The following SHTN1 variants were observed in gnomAD, a reference collection of about 807,000 sequenced individuals.
SHTN1 encodes the protein shootin 1, also known as shootin-1.
SHTN1 carries 42 observed loss-of-function variants against 83.1 expected under a neutral mutation model. The ratio of observed to expected loss-of-function variants is 0.51; its 90% CI spans 0.39 to 0.65. The LOEUF (loss-of-function observed/expected upper bound fraction) is 0.65, where lower values mean the gene tolerates loss of function less well. Ranked by LOEUF, SHTN1 falls within the 30% of genes least tolerant of loss-of-function variation. The pLI is 0.00. For missense variants in SHTN1, 622 were observed against 737.8 expected, an observed-to-expected ratio of 0.84 and a Z score of 1.82; for synonymous variants, 224 against 247.7, an observed-to-expected ratio of 0.90 and a Z score of 0.90.
At chr10:116,889,281 T>C (rs1847260254) in intron 16 of SHTN1, among the ~76,000 whole-genome samples, 1 of 152,174 alleles carries the variant, frequency 6.6e-6, no homozygotes, top group African/African-American at 2.4e-5. Flanking sequence ...CTCATAAACC[T>C]AGTATTGTCA....
chr10:116,977,822 A>G (rs1487917895), intron 2 of SHTN1, among the ~76,000 whole-genome samples: 1 of 152,064 alleles, frequency 6.6e-6, no homozygotes, highest in Non-Finnish European at 1.5e-5. Flanking sequence ...CTACAGGTGC[A>G]TGCCACCATG....
At position 116,928,872 on chromosome 10, in the gene SHTN1, TAC is replaced by T. The variant is rs922382548; in HGVS notation, c.1012+975_1012+976del. On this transcript the variant is annotated intron_variant, in intron 10 of 16. Coordinates refer to ENST00000355371, the MANE Select transcript of SHTN1 (RefSeq NM_001127211.3). ...TATTGTTTCCTAGGATAGGGCTGGG[TAC>T]ACACACAGCAGATAATAAGTATTAA... Among the ~76,000 whole-genome samples, 10 of 152,258 alleles carry T rather than the reference TAC, an allele frequency of 6.6e-5. No homozygotes were observed. The Middle Eastern group carries it at 0.01, about 155-fold the overall frequency.
intron 1 of SHTN1, among the ~76,000 whole-genome samples, chr10:117,105,505 CT>C (rs551546151): frequency 2.8e-4 from 43 of 152,290 alleles, no homozygotes; most frequent in Admixed American, 7.8e-4. Flanking sequence ...AGTCACACAG[CT>C]GGCATTTGGC....
At position 116,884,384 on chromosome 10, in the gene SHTN1, T is replaced by C; in HGVS notation, c.*1960A>G. 2.5e-6 allele frequency: 1 copy of C among 405,166 alleles called. No homozygotes were observed. The highest frequency in any genetic ancestry group is 2.7e-5 in the Admixed American group (1 of 37,012). The allele number at this position is 405,166 out of a possible 1,614,324, so 25.1% of individuals were successfully genotyped here. On this transcript the variant is annotated 3_prime_UTR_variant, in exon 17 of 17. Transcript: ENST00000355371. ...TCATGTCAAATTAATTTAAAATGCT[T>C]TGTAATCACAGTGAGAGAAAGTAAG...
chr10:117,073,035 C>T (rs1473260370), intron 1 of SHTN1, among the ~76,000 whole-genome samples: 1 of 152,114 alleles, frequency 6.6e-6, no homozygotes, highest in Non-Finnish European at 1.5e-5. Flanking sequence ...AAGTTCAGGA[C>T]ACATTGGACA....
Position 117,005,159 on chromosome 10 carries a change from A to G in SHTN1, c.-80T>C, listed in dbSNP as rs1356924305. ...AGGAGGAGGGGGAAGAAAAAGCAAG[A>G]TGCCGGTGGCTTGCGGCTCCACTAC... is the stretch of plus-strand genomic sequence containing the variant. On this transcript the variant is annotated 5_prime_UTR_variant, in exon 1 of 17. Coordinates refer to ENST00000355371, the MANE Select transcript of SHTN1 (RefSeq NM_001127211.3). 2 of 1,547,994 alleles carry G rather than the reference A, an allele frequency of 1.3e-6. No homozygotes were observed. The highest frequency in any genetic ancestry group is 1.7e-6 in the Non-Finnish European group (2 of 1,145,874).
chr10:117,042,136 T>C (rs1428291226), intron 2 of SHTN1, among the ~76,000 whole-genome samples: 1 of 152,238 alleles, frequency 6.6e-6, no homozygotes, highest in African/African-American at 2.4e-5. Context: ...ATCTGCCATT[T>C]TTCCTTTGAT....
chr10:117,014,058 A>G (rs1323424705), intron 2 of SHTN1, among the ~76,000 whole-genome samples: 1 of 152,218 alleles, frequency 6.6e-6, no homozygotes, highest in African/African-American at 2.4e-5. Flanking sequence ...GGCTATATAC[A>G]ATATGGTTCA....
Position 116,884,059 on chromosome 10 carries a change from AT to A in SHTN1, c.*2284del, listed in dbSNP as rs1307387283. 6.1e-6 allele frequency: 2 copies of A among 327,062 alleles called. No homozygotes were observed. Among genetic ancestry groups the A allele is most frequent in the Non-Finnish European group, 1.2e-5 (2 of 161,420 alleles). 20.3% of individuals were successfully genotyped at this position (327,062 alleles called of 1,614,324 possible). On this transcript the variant is annotated 3_prime_UTR_variant, in exon 17 of 17. Transcript: ENST00000355371. Reference sequence around the variant, plus strand: ...AATCCTCTATAGCGCACAAGACTTAATTTATCTTTCCCAAACAGAAGGAAGC... The same window carrying A: ...AATCCTCTATAGCGCACAAGACTTAATTATCTTTCCCAAACAGAAGGAAGC...
At chr10:116,957,596 T>C (rs1334508187) in intron 4 of SHTN1, among the ~76,000 whole-genome samples, 5 of 152,080 alleles carry the variant, frequency 3.3e-5, no homozygotes, top group Admixed American at 6.6e-5. Context: ...GAACCTACTA[T>C]TATATTCAAA....
In SHTN1 at chr10:116,881,602, C is replaced by T. The variant is rs1210785328; in HGVS notation, c.*4742G>A. Reference sequence around the variant, plus strand: ...CTTGAGGCTGCTGCGGCTAGGGAGCCGCTGGTGCCCACCTTCCCCACACAA... The same window carrying T: ...CTTGAGGCTGCTGCGGCTAGGGAGCTGCTGGTGCCCACCTTCCCCACACAA... On this transcript the variant is annotated 3_prime_UTR_variant, in exon 17 of 17. Transcript: ENST00000355371. 15 of 1,550,300 alleles carry T rather than the reference C, an allele frequency of 9.7e-6. No individual in the cohort carries two copies. The highest frequency in any genetic ancestry group is 1.7e-4 in the Middle Eastern group (1 of 6,012).
At chr10:117,046,723 C>G (rs1852668745) in intron 2 of SHTN1, among the ~76,000 whole-genome samples, 1 of 152,134 alleles carries the variant, frequency 6.6e-6, no homozygotes. Flanking sequence ...ATCATCCAAC[C>G]TTGAAAATGT....
At chr10:117,086,165 G>A (rs575426323) in intron 1 of SHTN1, among the ~76,000 whole-genome samples, 48 of 152,172 alleles carry the variant, frequency 3.2e-4, no homozygotes, top group African/African-American at 1.0e-3. Flanking sequence ...TGATCTGCCC[G>A]CCTTGGCCTC....
At position 117,005,135 on chromosome 10, in the gene SHTN1, G is replaced by C. The variant is rs1454655441; in HGVS notation, c.-56C>G. The C allele has an allele frequency of 5.8e-6, 9 of 1,557,982 alleles. No individual in the cohort carries two copies. The African/African-American group carries it at 9.5e-5, about 16-fold the overall frequency. Reference sequence around the variant, plus strand: ...AAGAGGGAGCGGCGCGGGGCACACAGGAGGAGGGGGAAGAAAAAGCAAGAT... The same window carrying C: ...AAGAGGGAGCGGCGCGGGGCACACACGAGGAGGGGGAAGAAAAAGCAAGAT... On this transcript the variant is annotated 5_prime_UTR_variant, in exon 1 of 17. Coordinates refer to ENST00000355371, the MANE Select transcript of SHTN1 (RefSeq NM_001127211.3).
intron 9 of SHTN1, among the ~76,000 whole-genome samples, chr10:116,938,741 T>C (rs926666041): frequency 1.3e-5 from 2 of 152,180 alleles, no homozygotes; most frequent in African/African-American, 4.8e-5. Context: ...GCAGGAACGT[T>C]TAAGCCGCTG....
chr10:117,069,665 T>TTG (rs1239668908), intron 1 of SHTN1, among the ~76,000 whole-genome samples: 50 of 152,334 alleles, frequency 3.3e-4, no homozygotes, highest in African/African-American at 1.0e-3. Context: ...TCCAAGTGGC[T>TTG]TTACCACTCT....
intron 1 of SHTN1, among the ~76,000 whole-genome samples, chr10:117,120,085 A>G (rs1853901915): frequency 6.6e-6 from 1 of 152,196 alleles, no homozygotes; most frequent in African/African-American, 2.4e-5. Context: ...GTACAAAAAA[A>G]ATAGGAAGAA....
intron 9 of SHTN1, among the ~76,000 whole-genome samples, chr10:116,931,318 G>A (rs1848956265): frequency 6.6e-6 from 1 of 151,994 alleles, no homozygotes; most frequent in African/African-American, 2.4e-5. Context: ...GCGCGATCTG[G>A]GCTCACTGCA....
chr10:116,994,025 T>G (rs1851539994), intron 1 of SHTN1, among the ~76,000 whole-genome samples: 1 of 152,134 alleles, frequency 6.6e-6, no homozygotes, highest in South Asian at 2.1e-4. Context: ...TTCTAAGATA[T>G]TATGAAGTGG....
Sources: gnomAD v4.1 joint callset for allele counts (sites outside exome capture counted in the v4.1 genomes callset) on GRCh38, gnomAD v4.1.1 for gene constraint, MANE v1.5 for transcripts, NCBI Gene and HGNC (gene_info 2026-07-23, HGNC 2026-07-21) for gene names.